Variants in PHF3 observed in about 807,000 individuals in gnomAD.
PHF3 encodes the protein PHD finger protein 3.
A neutral mutation model predicts 178.4 loss-of-function variants in PHF3; 41 were observed. The observed-to-expected ratio is 0.23, with a 90% CI of 0.18 to 0.30. The LOEUF is 0.30. Ranked by LOEUF, PHF3 falls within the 10% of genes least tolerant of loss-of-function variation. The pLI is 1.00. For missense variants in PHF3, 2,346 were observed against 2,398.1 expected, an observed-to-expected ratio of 0.98 and a Z score of 0.45; for synonymous variants, 842 against 800.5, an observed-to-expected ratio of 1.05 and a Z score of -0.88.
chr6:63,717,025 T>TA lies in PHF3; in HGVS notation c.*3318dup, dbSNP rs1486870209. Among the ~76,000 whole-genome samples the TA allele has an allele frequency of 6.6e-6, 1 of 152,112 alleles. No homozygotes were observed. Among genetic ancestry groups the TA allele is most frequent in the Admixed American group, 6.6e-5 (1 of 15,234 alleles). The stretch of plus-strand genomic sequence containing the variant: ...TATCATCTACCAACAGCCCTTGACT[T>TA]ACTAATTGTAGTTTATTGTGGGTGA... On this transcript the variant is annotated 3_prime_UTR_variant, in exon 16 of 16. Coordinates refer to ENST00000262043, the MANE Select transcript of PHF3 (RefSeq NM_001370348.2).
At chr6:63,692,901 C>T (rs995064429) in intron 5 of PHF3, among the ~76,000 whole-genome samples, 2 of 152,142 alleles carry the variant, frequency 1.3e-5, no homozygotes, top group African/African-American at 4.8e-5. Context: ...CTCTGCAACA[C>T]GATATGGAAG....
rs1338018855 is a variant in PHF3, at chr6:63,685,491, A to T, written c.1769A>T (p.Lys590Met). The change falls in exon 4 of 16, where the codon AAG becomes ATG. Residue 590 changes from lysine (K) to methionine (M), a missense_variant. By Grantham distance (95) the Lys-to-Met change is moderately conservative. Around this residue, in one of 8 missense-constraint regions of PHF3, gnomAD observed 843 missense variants for 795.2 expected, o/e 1.06. Transcript: ENST00000262043. ...GATCAAACTTTAGTACAAATTTTCA[A>T]GCCCTTAACTCATTCTTTGAGTGAT... ...LQDQTLVQIFKPLTHSLSDKS... is the reference protein window; with the variant it reads ...LQDQTLVQIFMPLTHSLSDKS... 1.9e-6 allele frequency: 3 copies of T among 1,614,026 alleles called. No homozygotes were observed. The highest frequency in any genetic ancestry group is 2.5e-6 in the Non-Finnish European group (3 of 1,180,032).
chr6:63,669,475 A>C (rs1582041613), intron 2 of PHF3, among the ~76,000 whole-genome samples: 2 of 152,306 alleles, frequency 1.3e-5, no homozygotes, highest in East Asian at 3.9e-4. Flanking sequence ...CTTCTAGTTT[A>C]TCTTTCTCAA....
rs374552096 is a variant in PHF3, at chr6:63,713,652, A to G, written c.6064A>G (p.Arg2022Gly). Residue 2022 changes from arginine to glycine, a missense_variant, in exon 16 of 16, where the codon AGG becomes GGG. Transcript: ENST00000262043. ...KSKHREGEKD[R>G]DRYHKDRDHT... ...TAAACACAGAGAAGGAGAAAAGGACAGGGATAGGTACCACAAAGATAGGGA... is the reference window on the plus strand; with the variant it reads ...TAAACACAGAGAAGGAGAAAAGGACGGGGATAGGTACCACAAAGATAGGGA... 3 of 1,607,028 alleles carry G rather than the reference A, an allele frequency of 1.9e-6. No individual in the cohort carries two copies. Among genetic ancestry groups the G allele is most frequent in the African/African-American group, 1.3e-5 (1 of 74,114 alleles).
intron 2 of PHF3, chr6:63,679,012 C>T: frequency 4.8e-6 from 1 of 208,318 alleles, no homozygotes; most frequent in South Asian, 7.1e-5. Context: ...CTCACAACAG[C>T]CCTGTGAGGT....
At chr6:63,644,671 A>G (rs1237041708) in intron 1 of PHF3, among the ~76,000 whole-genome samples, 2 of 152,304 alleles carry the variant, frequency 1.3e-5, no homozygotes, top group African/African-American at 4.8e-5. Context: ...TGAAACTTCT[A>G]TTTAGAAGGA....
chr6:63,670,360 C>T (rs1168195745), intron 2 of PHF3, among the ~76,000 whole-genome samples: 1 of 152,194 alleles, frequency 6.6e-6, no homozygotes, highest in Non-Finnish European at 1.5e-5. Context: ...GCTCTGCCTC[C>T]TGGGTTCACG....
intron 2 of PHF3, among the ~76,000 whole-genome samples, chr6:63,673,471 C>T (rs1561955928): frequency 6.6e-6 from 1 of 152,104 alleles, no homozygotes; most frequent in Non-Finnish European, 1.5e-5. Flanking sequence ...CCTTCTCCAG[C>T]TTCAACTGCT....
rs1767982908 is a variant in PHF3, at chr6:63,712,350, A to C, written c.4762A>C (p.Ser1588Arg). 1.2e-6 allele frequency: 2 copies of C among 1,613,584 alleles called. No individual in the cohort carries two copies. The highest frequency in any genetic ancestry group is 1.1e-5 in the South Asian group (1 of 91,034). Residue 1588 changes from serine (S) to arginine (R), a missense_variant, in exon 16 of 16, where the codon AGT (serine) becomes CGT (arginine). Ser to Arg is a moderately radical substitution (Grantham distance 110). Transcript: ENST00000262043. Reference sequence around the variant, plus strand: ...GTCAAAACAAGAGGAAACTGTGGAGAGTAAAGAGAAAACATTAAAAAGACA... The same window carrying C: ...GTCAAAACAAGAGGAAACTGTGGAGCGTAAAGAGAAAACATTAAAAAGACA... ...IQSKQEETVE[S>R]KEKTLKRQLQ...
intron 2 of PHF3, among the ~76,000 whole-genome samples, chr6:63,664,185 C>A (rs1765584308): frequency 6.6e-6 from 1 of 152,326 alleles, no homozygotes; most frequent in South Asian, 2.1e-4. Flanking sequence ...GTTCATTGGT[C>A]ATCCTGGGAC....
At chr6:63,701,483 T>C (rs528960378) in intron 9 of PHF3, among the ~76,000 whole-genome samples, 2 of 152,318 alleles carry the variant, frequency 1.3e-5, no homozygotes, top group South Asian at 4.1e-4. Context: ...AGCCATGTTA[T>C]CCAATTTTTG....
At chr6:63,694,822 C>T in intron 6 of PHF3, 58 bp downstream of exon 6, 1 of 964,112 alleles carries the variant, frequency 1.0e-6, no homozygotes, top group Non-Finnish European at 1.4e-6. Context: ...ATTTAAGATA[C>T]AATTAATTAG....
Position 63,687,221 on chromosome 6 carries a change from C to T in PHF3, c.2189+1310C>T, listed in dbSNP as rs1032999587. On this transcript the variant is annotated intron_variant, in intron 4 of 15. Coordinates refer to ENST00000262043, the MANE Select transcript of PHF3 (RefSeq NM_001370348.2). ...GGCAGATCACTTGAGGTCAGGAGTT[C>T]GAGACCAGCCTGGCCAACATGGTGA... Among the ~76,000 whole-genome samples the T allele has an allele frequency of 2.9e-4, 44 of 152,208 alleles. No homozygotes were observed. In the Middle Eastern group the frequency reaches 0.01, roughly 35 times the overall value.
intron 8 of PHF3, among the ~76,000 whole-genome samples, 188 bp from the exon 9 acceptor site, chr6:63,700,160 ATG>A (rs769949089): frequency 4.6e-5 from 7 of 151,320 alleles, no homozygotes; most frequent in Non-Finnish European, 7.3e-5. Context: ...TTTATATGAA[ATG>A]TGTGTTTTGC....
At chr6:63,710,402 G>GAGTCAT (rs1376657270) in intron 14 of PHF3, among the ~76,000 whole-genome samples, 1 of 152,076 alleles carries the variant, frequency 6.6e-6, no homozygotes, top group African/African-American at 2.4e-5. Flanking sequence ...TTTTATAAGA[G>GAGTCAT]AGTCATATTT....
Position 63,711,173 on chromosome 6 carries a change from T to G in PHF3, c.3808T>G (p.Cys1270Gly), listed in dbSNP as rs781248559. ...TTGTTATTTTCTTGAACAGGAAATTTGTGTGGTTCGCTTCACACCAGTAAC... is the reference window on the plus strand; with the variant it reads ...TTGTTATTTTCTTGAACAGGAAATTGGTGTGGTTCGCTTCACACCAGTAAC... Reference protein sequence around the residue: ...KIKASGTKEICVVRFTPVTEE... With the variant: ...KIKASGTKEIGVVRFTPVTEE... The change falls in exon 15 of 16, where the codon TGT (cysteine) becomes GGT (glycine). Residue 1270 changes from cysteine to glycine, a missense_variant. Cys to Gly is a radical substitution (Grantham distance 159). Around this residue, in one of 8 missense-constraint regions of PHF3, gnomAD observed 90 missense variants for 136.6 expected, o/e 0.66. Transcript: ENST00000262043. 4 of 1,584,808 alleles carry G rather than the reference T, an allele frequency of 2.5e-6. No homozygotes were observed. Among genetic ancestry groups the G allele is most frequent in the South Asian group, 1.1e-5 (1 of 87,230 alleles).
intron 11 of PHF3, among the ~76,000 whole-genome samples, chr6:63,704,268 C>T (rs965980090): frequency 2.6e-4 from 40 of 152,166 alleles, no homozygotes; most frequent in African/African-American, 9.4e-4. Context: ...CCATAGTTTA[C>T]ATTGGCGTTC....
intron 13 of PHF3, among the ~76,000 whole-genome samples, chr6:63,708,409 G>A (rs776833417): frequency 1.3e-5 from 2 of 151,524 alleles, no homozygotes; most frequent in African/African-American, 2.4e-5. Context: ...TTTCCCCTCC[G>A]AGACACAGTT....
In PHF3 at chr6:63,694,626, A is replaced by G. The variant is rs778410565; in HGVS notation, c.2542A>G (p.Ile848Val). 5.1e-6 allele frequency: 8 copies of G among 1,583,924 alleles called. No homozygotes were observed. Among genetic ancestry groups the G allele is most frequent in the Non-Finnish European group, 6.0e-6 (7 of 1,163,796 alleles). Residue 848 changes from isoleucine (I) to valine (V), a missense_variant, in exon 6 of 16, where the codon ATT becomes GTT. This residue lies in a region of PHF3 where 252 missense variants were observed against 232.0 expected (regional missense o/e 1.09). Coordinates refer to ENST00000262043, the MANE Select transcript of PHF3 (RefSeq NM_001370348.2). ...TTCATCAGACTGTAGAGATAATGAAATTAAAAAATGGCAGCTAGCTCCTCT... is the reference window on the plus strand; with the variant it reads ...TTCATCAGACTGTAGAGATAATGAAGTTAAAAAATGGCAGCTAGCTCCTCT... ...RNSSDCRDNE[I>V]KKWQLAPLRK...
Sources: allele counts gnomAD v4.1 joint callset (sites outside exome capture counted in the v4.1 genomes callset), GRCh38; gene constraint gnomAD v4.1.1; regional missense constraint gnomAD v4.1.1; transcripts MANE v1.5; gene names NCBI Gene and HGNC (gene_info 2026-07-23, HGNC 2026-07-21).